The following HCN1 variants were observed in gnomAD, a reference collection of about 807,000 sequenced individuals.
HCN1 encodes the protein potassium/sodium hyperpolarization-activated cyclic nucleotide-gated channel 1.
A neutral mutation model predicts 78.9 loss-of-function variants in HCN1; 13 were observed. The observed-to-expected ratio is 0.16, with a 90% confidence interval of 0.11 to 0.26. The LOEUF (loss-of-function observed/expected upper bound fraction) is 0.26, where lower values mean the gene tolerates loss of function less well. Among genes scored for constraint, HCN1 ranks in the 10% least tolerant of loss-of-function variants. The probability of loss-of-function intolerance (pLI) is 1.00; values close to 1 mark genes in which losing one functional copy is unlikely to be tolerated. For synonymous variants in HCN1, 552 were observed against 455.5 expected (o/e 1.21, Z -2.70); for missense variants, 810 against 1,154.3 (o/e 0.70, Z 4.32).
At chr5:45,337,552 T>G (rs747146921) in intron 5 of HCN1, among the ~76,000 whole-genome samples, 4 of 152,144 alleles carry the variant, frequency 2.6e-5, no homozygotes, top group Middle Eastern at 3.2e-3. Flanking sequence ...ATTTATTGTG[T>G]ACTTATTAAT....
intron 2 of HCN1, among the ~76,000 whole-genome samples, chr5:45,584,433 G>C (rs1561210121): frequency 1.3e-5 from 2 of 152,142 alleles, no homozygotes; most frequent in Non-Finnish European, 2.9e-5. Context: ...CTCTGCACGT[G>C]AGATGGGTTT....
chr5:45,513,837 C>T (rs1490354684), intron 2 of HCN1, among the ~76,000 whole-genome samples: 6 of 152,062 alleles, frequency 3.9e-5, no homozygotes, highest in Admixed American at 3.9e-4. Context: ...ATCTATAAAG[C>T]CTCATAGATT....
intron 3 of HCN1, among the ~76,000 whole-genome samples, chr5:45,457,655 T>G (rs1460439223): frequency 6.6e-6 from 1 of 152,044 alleles, no homozygotes; most frequent in Non-Finnish European, 1.5e-5. Flanking sequence ...GAACAGAAAT[T>G]TATTTAGCTC....
chr5:45,662,989 G>A (rs1449973213), intron 1 of HCN1, among the ~76,000 whole-genome samples: 7 of 113,550 alleles, frequency 6.2e-5, no homozygotes, highest in African/African-American at 2.0e-4. Context: ...AAAAGAGCCC[G>A]CATCGCCAAG....
chr5:45,660,421 T>A (rs945149345), intron 1 of HCN1, among the ~76,000 whole-genome samples: 1 of 124,870 alleles, frequency 8.0e-6, no homozygotes, highest in Non-Finnish European at 1.7e-5. Context: ...CCAGCTAACA[T>A]CATAATGACA....
chr5:45,629,999 C>T (rs1443683701), intron 2 of HCN1, among the ~76,000 whole-genome samples: 1 of 152,018 alleles, frequency 6.6e-6, no homozygotes, highest in African/African-American at 2.4e-5. Context: ...AGTTGATATA[C>T]CCCAGAGGCT....
intron 5 of HCN1, among the ~76,000 whole-genome samples, chr5:45,349,903 G>T (rs1025253200): frequency 5.9e-4 from 89 of 152,102 alleles, no homozygotes; most frequent in Non-Finnish European, 1.2e-3. Flanking sequence ...ACCAAAAAGA[G>T]TCCAGGACCA....
chr5:45,329,345 T>C (rs1579815207), intron 5 of HCN1, among the ~76,000 whole-genome samples: 1 of 151,616 alleles, frequency 6.6e-6, no homozygotes, highest in East Asian at 1.9e-4. Context: ...CTCTTATAAA[T>C]GGAATTACAC....
chr5:45,334,093 A>T (rs1746402415), intron 5 of HCN1, among the ~76,000 whole-genome samples: 1 of 151,920 alleles, frequency 6.6e-6, no homozygotes, highest in African/African-American at 2.4e-5. Flanking sequence ...CATGGTTATT[A>T]TAACTATAGA....
intron 5 of HCN1, among the ~76,000 whole-genome samples, chr5:45,315,774 T>C (rs1358780327): frequency 6.6e-6 from 1 of 152,112 alleles, no homozygotes; most frequent in Non-Finnish European, 1.5e-5. Flanking sequence ...CATCAGAGAA[T>C]ACTATAAACA....
chr5:45,458,424 G>C (rs1010518491), intron 3 of HCN1, among the ~76,000 whole-genome samples: 2 of 152,074 alleles, frequency 1.3e-5, no homozygotes, highest in Non-Finnish European at 2.9e-5. Context: ...AGAAAGACGA[G>C]TGCATTCCTG....
intron 2 of HCN1, among the ~76,000 whole-genome samples, chr5:45,606,176 C>T (rs942631906): frequency 6.6e-6 from 1 of 151,872 alleles, no homozygotes; most frequent in African/African-American, 2.4e-5. Context: ...CACTTTTATA[C>T]CTTAAAACAT....
intron 2 of HCN1, among the ~76,000 whole-genome samples, chr5:45,611,715 C>A (rs1744841509): frequency 6.6e-6 from 1 of 151,834 alleles, no homozygotes; most frequent in Non-Finnish European, 1.5e-5. Context: ...AAATATGATT[C>A]TTTCTTTTAA....
At chr5:45,623,344 T>C (rs540641681) in intron 2 of HCN1, among the ~76,000 whole-genome samples, 1 of 152,218 alleles carries the variant, frequency 6.6e-6, no homozygotes, top group South Asian at 2.1e-4. Flanking sequence ...ACTAATCAGT[T>C]CCATTATTTT....
chr5:45,456,837 G>A (rs1183498441), intron 3 of HCN1, among the ~76,000 whole-genome samples: 3 of 151,772 alleles, frequency 2.0e-5, no homozygotes, highest in Non-Finnish European at 2.9e-5. Context: ...TTTTGACTAC[G>A]GTGAAACGTG....
At chr5:45,526,879 A>ATTT (rs757073939) in intron 2 of HCN1, among the ~76,000 whole-genome samples, 7 of 152,042 alleles carry the variant, frequency 4.6e-5, no homozygotes, top group Non-Finnish European at 8.8e-5. Flanking sequence ...TATCAGCTTA[A>ATTT]TTACCCCTGC....
intron 6 of HCN1, among the ~76,000 whole-genome samples, chr5:45,300,634 G>T (rs1345761286): frequency 1.3e-5 from 2 of 152,006 alleles, no homozygotes; most frequent in Non-Finnish European, 2.9e-5. Flanking sequence ...CCAACAGTAG[G>T]CTACTATTGT....
intron 6 of HCN1, among the ~76,000 whole-genome samples, chr5:45,269,050 G>A (rs1326106480): frequency 6.6e-6 from 1 of 152,218 alleles, no homozygotes; most frequent in East Asian, 1.9e-4. Context: ...AGACAGACAT[G>A]AGAAGCCACA....
chr5:45,347,679 T>G (rs1310346590), intron 5 of HCN1, among the ~76,000 whole-genome samples: 1 of 152,268 alleles, frequency 6.6e-6, no homozygotes. Flanking sequence ...AAGGAGCTGA[T>G]GGAGCTGAAA....
Sources: allele counts gnomAD v4.1 joint callset (sites outside exome capture counted in the v4.1 genomes callset), GRCh38; gene constraint gnomAD v4.1.1; transcripts MANE v1.5; gene names NCBI Gene and HGNC (gene_info 2026-07-23, HGNC 2026-07-21).